Variants in CACNA2D3 observed in about 807,000 individuals in gnomAD.
CACNA2D3 encodes the protein voltage-dependent calcium channel subunit alpha-2/delta-3.
A neutral mutation model predicts 160.6 loss-of-function variants in CACNA2D3; 60 were observed. That is an observed-to-expected ratio of 0.37 (90% CI 0.30 to 0.46). CACNA2D3 has a LOEUF of 0.46. CACNA2D3 is among the 20% of genes least tolerant of loss of function. The pLI is 1.00. For missense variants in CACNA2D3, 1,205 were observed against 1,365.0 expected (o/e 0.88, Z 1.85); for synonymous variants, 558 against 492.9 (o/e 1.13, Z -1.75).
At chr3:54,668,986 T>C (rs940425835) in intron 11 of CACNA2D3, among the ~76,000 whole-genome samples, 103 of 152,360 alleles carry the variant, frequency 6.8e-4, no homozygotes, top group African/African-American at 2.0e-3. Flanking sequence ...TCATGTTCCT[T>C]TTTCATGTTT....
At chr3:54,863,491 T>A (rs1699337898) in intron 17 of CACNA2D3, among the ~76,000 whole-genome samples, 1 of 152,120 alleles carries the variant, frequency 6.6e-6, no homozygotes, top group Non-Finnish European at 1.5e-5. Context: ...TCAGCACTAT[T>A]TTGATTTTTA....
chr3:54,576,432 G>A (rs1702583503), intron 8 of CACNA2D3, among the ~76,000 whole-genome samples: 1 of 152,176 alleles, frequency 6.6e-6, no homozygotes, highest in Non-Finnish European at 1.5e-5. Context: ...TTTAATCAAA[G>A]TTGTCTTTCC....
Position 54,679,206 on chromosome 3 carries a change from G to A in CACNA2D3, c.1167+36965G>A, listed in dbSNP as rs149189481. Among the ~76,000 whole-genome samples the A allele has an allele frequency of 6.8e-4, 103 of 152,206 alleles. No individual in the cohort carries two copies. The East Asian group carries it at 9.5e-3, about 14-fold the overall frequency. On this transcript the variant is annotated intron_variant, in intron 11 of 37. Transcript: ENST00000474759. ...CTTAGGCTCCATACTGGAAGGGGAC[G>A]GTCTTTGTGGCTTTTGAATGCCCTG...
intron 4 of CACNA2D3, among the ~76,000 whole-genome samples, chr3:54,475,458 C>G (rs138135016): frequency 6.6e-6 from 1 of 152,272 alleles, no homozygotes; most frequent in African/African-American, 2.4e-5. Context: ...GCTTTTGGTA[C>G]TGAATTCCAT....
intron 13 of CACNA2D3, among the ~76,000 whole-genome samples, chr3:54,804,139 T>A (rs987791066): frequency 2.7e-5 from 4 of 150,276 alleles, no homozygotes; most frequent in African/African-American, 9.8e-5. Flanking sequence ...AGGAAGAAAC[T>A]GCATCAACTA....
At chr3:54,834,139 C>T (rs139804340) in intron 14 of CACNA2D3, among the ~76,000 whole-genome samples, 78 of 152,286 alleles carry the variant, frequency 5.1e-4, no homozygotes, top group African/African-American at 1.8e-3. Context: ...GTTAGTTTCT[C>T]ATAATCTTGT....
chr3:54,591,567 GTTT>G (rs397755008), intron 9 of CACNA2D3, among the ~76,000 whole-genome samples: 7 of 121,364 alleles, frequency 5.8e-5, no homozygotes, highest in African/African-American at 1.2e-4. Context: ...GTTGAAAAAA[GTTT>G]TTTTTTTTTT....
At chr3:54,408,532 G>A (rs908886512) in intron 4 of CACNA2D3, among the ~76,000 whole-genome samples, 3 of 152,076 alleles carry the variant, frequency 2.0e-5, no homozygotes, top group Admixed American at 6.5e-5. Context: ...AACTATTACC[G>A]AAAAAGTAAC....
At chr3:54,538,084 G>A (rs1701916767) in intron 5 of CACNA2D3, among the ~76,000 whole-genome samples, 1 of 152,064 alleles carries the variant, frequency 6.6e-6, no homozygotes, top group Non-Finnish European at 1.5e-5. Flanking sequence ...AGGTGATCTG[G>A]GCTCTGGTAT....
At chr3:54,285,750 G>T (rs576336674) in intron 2 of CACNA2D3, among the ~76,000 whole-genome samples, 111 of 152,172 alleles carry the variant, frequency 7.3e-4, no homozygotes, top group Non-Finnish European at 1.4e-3. Flanking sequence ...GGAAGATCAG[G>T]CAGCAGCATT....
At chr3:55,035,518 C>G (rs1316719545) in intron 35 of CACNA2D3, among the ~76,000 whole-genome samples, 4 of 152,314 alleles carry the variant, frequency 2.6e-5, no homozygotes, top group South Asian at 4.1e-4. Flanking sequence ...TCACACAGTT[C>G]TCTGAGCAGG....
At chr3:54,602,149 G>A (rs1703071051) in intron 9 of CACNA2D3, among the ~76,000 whole-genome samples, 1 of 152,108 alleles carries the variant, frequency 6.6e-6, no homozygotes, top group Non-Finnish European at 1.5e-5. Context: ...TCAAGATCCA[G>A]TACAAAATAA....
At chr3:54,494,620 C>T (rs893733346) in intron 4 of CACNA2D3, among the ~76,000 whole-genome samples, 5 of 152,124 alleles carry the variant, frequency 3.3e-5, no homozygotes, top group East Asian at 1.9e-4. Flanking sequence ...ATATGTGAAG[C>T]GCTTTGGTCT....
chr3:54,855,057 G>C (rs1699138323), intron 17 of CACNA2D3, among the ~76,000 whole-genome samples: 1 of 152,186 alleles, frequency 6.6e-6, no homozygotes, highest in Admixed American at 6.5e-5. Context: ...AAAATGCCAG[G>C]TTGGGCTGCA....
intron 14 of CACNA2D3, among the ~76,000 whole-genome samples, chr3:54,834,310 C>T (rs1469420447): frequency 2.6e-5 from 4 of 152,212 alleles, no homozygotes; most frequent in East Asian, 3.9e-4. Context: ...GGAAGTTGTG[C>T]GGAGTTATGG....
chr3:54,257,301 C>T (rs1702315271), intron 2 of CACNA2D3, among the ~76,000 whole-genome samples: 1 of 152,194 alleles, frequency 6.6e-6, no homozygotes, highest in Non-Finnish European at 1.5e-5. Context: ...TAATGTACGG[C>T]AAATATCTGA....
chr3:54,324,746 C>T (rs80018397), intron 3 of CACNA2D3, among the ~76,000 whole-genome samples: 2,230 of 152,150 alleles, frequency 0.015, 56 homozygotes, highest in African/African-American at 0.05. Flanking sequence ...TAAGTCCCTA[C>T]GAATGGACAA....
In CACNA2D3 at chr3:54,784,669, AAG is replaced by A. The variant is rs1438773063; in HGVS notation, c.1380+20321_1380+20322del. 2.0e-5 allele frequency among the ~76,000 whole-genome samples: 3 copies of A among 152,154 alleles called. No individual in the cohort carries two copies. The South Asian group carries it at 6.2e-4, about 32-fold the overall frequency. ...GGAGTCCAGTGCAGAGTTGCAATGA[AAG>A]AGGGGAAGAACAGAAATGTTCCGTA... is the stretch of plus-strand genomic sequence containing the variant. On this transcript the variant is annotated intron_variant, in intron 13 of 37. Transcript: ENST00000474759.
At chr3:54,294,428 C>A (rs1421874208) in intron 2 of CACNA2D3, among the ~76,000 whole-genome samples, 1 of 150,808 alleles carries the variant, frequency 6.6e-6, no homozygotes, top group Non-Finnish European at 1.5e-5. Flanking sequence ...TGCCCACCAG[C>A]CCTCTGCTTG....
Sources: gnomAD v4.1 joint callset for allele counts (sites outside exome capture counted in the v4.1 genomes callset) on GRCh38, gnomAD v4.1.1 for gene constraint, MANE v1.5 for transcripts, NCBI Gene and HGNC (gene_info 2026-07-23, HGNC 2026-07-21) for gene names.